Variants in OPHN1 observed in about 807,000 individuals in gnomAD.
OPHN1 encodes the protein oligophrenin 1.
In OPHN1, 11 loss-of-function variants were observed where a neutral mutation model predicts 60.7. The ratio of observed to expected loss-of-function variants is 0.18; its 90% confidence interval spans 0.11 to 0.30. The LOEUF is 0.30. OPHN1 is among the 10% of genes least tolerant of loss of function. The pLI is 1.00. For missense variants in OPHN1, 449 were observed against 611.0 expected (o/e 0.73, Z 2.80); for synonymous variants, 226 against 222.6 (o/e 1.02, Z -0.14).
At chrX:68,259,608 T>C (rs2077883628) in intron 5 of OPHN1, among the ~76,000 whole-genome samples, 1 of 111,751 alleles carries the variant, frequency 8.9e-6, no homozygotes, top group Admixed American at 9.6e-5. Context: ...ATTTTACACA[T>C]AATAAGGCAT....
intron 2 of OPHN1, among the ~76,000 whole-genome samples, chrX:68,346,566 C>G (rs1347291391): frequency 8.9e-6 from 1 of 111,947 alleles, no homozygotes; most frequent in Non-Finnish European, 1.9e-5. Flanking sequence ...ACTGCTTCAG[C>G]AGAAAGCTGA....
chrX:68,115,540 C>A (rs944203832), intron 16 of OPHN1, among the ~76,000 whole-genome samples: 5 of 112,152 alleles, frequency 4.5e-5, no homozygotes, highest in Non-Finnish European at 9.4e-5. Context: ...TCAAAGAAGG[C>A]TTGTTAACAA....
At chrX:68,072,784 C>T (rs749913251) in intron 20 of OPHN1, among the ~76,000 whole-genome samples, 5 of 111,940 alleles carry the variant, frequency 4.5e-5, no homozygotes, top group Non-Finnish European at 3.8e-5. Flanking sequence ...AGCACAGTAC[C>T]TGGCACATAG....
intron 19 of OPHN1, among the ~76,000 whole-genome samples, chrX:68,089,225 C>T (rs1485316712): frequency 9.0e-6 from 1 of 111,204 alleles, no homozygotes; most frequent in African/African-American, 3.3e-5. Context: ...TCTGGTGTTC[C>T]AACCTGAGAC....
intron 6 of OPHN1, among the ~76,000 whole-genome samples, chrX:68,222,945 A>G (rs2077669879): frequency 9.0e-6 from 1 of 110,693 alleles, no homozygotes; most frequent in Non-Finnish European, 1.9e-5. Flanking sequence ...ATAAATAAAA[A>G]TAAATAAAAA....
intron 6 of OPHN1, among the ~76,000 whole-genome samples, chrX:68,224,094 A>G (rs2077677549): frequency 8.9e-6 from 1 of 111,762 alleles, no homozygotes; most frequent in Non-Finnish European, 1.9e-5. Flanking sequence ...AGCACCATTG[A>G]TCAACTGAAT....
intron 2 of OPHN1, among the ~76,000 whole-genome samples, chrX:68,304,419 T>C (rs2078135709): frequency 9.0e-6 from 1 of 111,306 alleles, no homozygotes; most frequent in Non-Finnish European, 1.9e-5. Flanking sequence ...TGATTAATGA[T>C]ATAAATGTCA....
chrX:68,153,857 T>C (rs573373884), intron 15 of OPHN1, among the ~76,000 whole-genome samples: 69 of 112,052 alleles, frequency 6.2e-4, no homozygotes, highest in South Asian at 3.0e-3. Flanking sequence ...GGATTTATGA[T>C]ATAGTGGTCA....
At chrX:68,370,259 G>A (rs1188017016) in intron 2 of OPHN1, among the ~76,000 whole-genome samples, 1 of 109,074 alleles carries the variant, frequency 9.2e-6, no homozygotes, top group Non-Finnish European at 1.9e-5. Flanking sequence ...CACTTTGGAA[G>A]GTGATCCCAG....
chrX:68,350,504 C>CTCCT (rs2078404441), intron 2 of OPHN1, among the ~76,000 whole-genome samples: 3 of 83,418 alleles, frequency 3.6e-5, no homozygotes, highest in African/African-American at 4.6e-5. Flanking sequence ...TCCTCCTTTC[C>CTCCT]TTCCTTCCTC....
intron 5 of OPHN1, among the ~76,000 whole-genome samples, chrX:68,261,535 G>A (rs2077893635): frequency 9.0e-6 from 1 of 111,249 alleles, no homozygotes; most frequent in Admixed American, 9.6e-5. Context: ...GGTGAGAACA[G>A]TTCTGCAAAT....
chrX:68,303,447 G>T lies in OPHN1; in HGVS notation c.155-4351C>A, dbSNP rs1250341550. Among the ~76,000 whole-genome samples the T allele has an allele frequency of 4.5e-5, 5 of 110,555 alleles. No individual in the cohort carries two copies. The Admixed American group carries it at 4.9e-4, about 11-fold the overall frequency. On this transcript the variant is annotated intron_variant, in intron 2 of 24. Transcript: ENST00000355520. ...GGATCACTTAAGGTCAGGAGTTTGA[G>T]ACCAGCCTGACCAACATGGTAAAAC...
At chrX:68,255,655 T>C (rs2077858957) in intron 5 of OPHN1, among the ~76,000 whole-genome samples, 1 of 110,094 alleles carries the variant, frequency 9.1e-6, no homozygotes, top group South Asian at 3.9e-4. Context: ...CAGCCTGCCC[T>C]ACAGATTTTG....
chrX:68,271,235 C>T (rs2077966916), intron 5 of OPHN1, among the ~76,000 whole-genome samples: 1 of 110,842 alleles, frequency 9.0e-6, no homozygotes, highest in African/African-American at 3.3e-5. Flanking sequence ...ACTTGAAAAG[C>T]AGTAATTTGG....
At chrX:68,425,886 T>C (rs1046306582) in intron 2 of OPHN1, among the ~76,000 whole-genome samples, 5 of 89,396 alleles carry the variant, frequency 5.6e-5, no homozygotes, top group African/African-American at 2.1e-4. Context: ...TGGAGTGCAG[T>C]GGAGTGATCT....
intron 5 of OPHN1, among the ~76,000 whole-genome samples, chrX:68,243,544 C>T (rs1052038338): frequency 8.1e-5 from 9 of 110,623 alleles, no homozygotes; most frequent in African/African-American, 2.3e-4. Context: ...CCCACCATCA[C>T]GCCCAGCTAA....
chrX:68,120,185 A>T (rs1023076413), intron 15 of OPHN1, among the ~76,000 whole-genome samples: 2 of 111,186 alleles, frequency 1.8e-5, no homozygotes, highest in Admixed American at 9.6e-5. Context: ...ACACCTTACC[A>T]CCGTATCAAC....
At chrX:68,098,581 G>A (rs745572249) in intron 18 of OPHN1, among the ~76,000 whole-genome samples, 43 of 111,958 alleles carry the variant, frequency 3.8e-4, no homozygotes, top group Non-Finnish European at 7.5e-4. Flanking sequence ...AGACAAAGCT[G>A]AGTACCATTC....
chrX:68,390,106 A>C (rs1004722857), intron 2 of OPHN1, among the ~76,000 whole-genome samples: 2 of 111,063 alleles, frequency 1.8e-5, no homozygotes, highest in Admixed American at 1.9e-4. Context: ...TATCACAAGA[A>C]TAGCAGCATG....
Sources: gnomAD v4.1 joint callset for allele counts (sites outside exome capture counted in the v4.1 genomes callset) on GRCh38, gnomAD v4.1.1 for gene constraint, MANE v1.5 for transcripts, NCBI Gene and HGNC (gene_info 2026-07-23, HGNC 2026-07-21) for gene names.